Variants in VAV2 observed in about 807,000 individuals in gnomAD.
The protein encoded by VAV2 is vav guanine nucleotide exchange factor 2, also known as guanine nucleotide exchange factor VAV2.
A neutral mutation model predicts 132.5 loss-of-function variants in VAV2; 67 were observed. The observed-to-expected ratio is 0.51, with a 90% CI of 0.42 to 0.62. The LOEUF (loss-of-function observed/expected upper bound fraction) is 0.62, where lower values mean the gene tolerates loss of function less well. Among genes scored for constraint, VAV2 ranks in the 20% least tolerant of loss-of-function variants. VAV2 has a pLI of 0.00. For synonymous variants in VAV2, 492 were observed against 443.5 expected (o/e 1.11, Z -1.37); for missense variants, 938 against 1,153.6 (o/e 0.81, Z 2.71).
In VAV2 at chr9:133,939,228, A is replaced by T. The variant is rs187911987; in HGVS notation, c.205-9T>A. Reference sequence around the variant, plus strand: ...TTCTTCAAACACAGAAACTAAAGGGAAAAAACAAAGGGAGGGCAAGGAAAA... The same window carrying T: ...TTCTTCAAACACAGAAACTAAAGGGTAAAAACAAAGGGAGGGCAAGGAAAA... On this transcript the variant is annotated splice_polypyrimidine_tract_variant and intron_variant, in intron 1 of 29. Transcript: ENST00000371850. The T allele has an allele frequency of 1.2e-6, 2 of 1,612,856 alleles. No homozygotes were observed. The highest frequency in any genetic ancestry group is 3.3e-5 in the Admixed American group (2 of 60,032).
intron 3 of VAV2, among the ~76,000 whole-genome samples, chr9:133,850,888 G>C (rs1007095531): frequency 2.6e-4 from 40 of 152,350 alleles, no homozygotes; most frequent in Admixed American, 2.6e-4. Context: ...GGTGGGCAGG[G>C]TACCACCCTG....
chr9:133,778,161 T>C lies in VAV2; in HGVS notation c.1890+601A>G, dbSNP rs553104082. 2.6e-3 allele frequency among the ~76,000 whole-genome samples: 389 copies of C among 150,718 alleles called. 1 individual carries two copies. The highest frequency in any genetic ancestry group is 9.1e-3 in the African/African-American group (369 of 40,500). ...AACCCTTTACAGCCCAGCCATCTGC[T>C]GAAGGTGGGGATGAACGCCCACAAA... is the stretch of plus-strand genomic sequence containing the variant. On this transcript the variant is annotated intron_variant, in intron 22 of 29. Coordinates refer to ENST00000371850, the MANE Select transcript of VAV2 (RefSeq NM_001134398.2).
intron 1 of VAV2, among the ~76,000 whole-genome samples, chr9:133,963,852 A>T (rs1403752163): frequency 6.6e-6 from 1 of 151,940 alleles, no homozygotes; most frequent in Admixed American, 6.6e-5. Context: ...GAAATAAAGT[A>T]CATGGAAAAC....
At chr9:133,860,515 C>A (rs1349995934) in intron 3 of VAV2, among the ~76,000 whole-genome samples, 1 of 152,096 alleles carries the variant, frequency 6.6e-6, no homozygotes, top group Non-Finnish European at 1.5e-5. Flanking sequence ...TGGGACCCCT[C>A]AGCCTGTAGT....
intron 2 of VAV2, among the ~76,000 whole-genome samples, chr9:133,930,388 C>T (rs1287682344): frequency 6.6e-6 from 1 of 151,844 alleles, no homozygotes; most frequent in African/African-American, 2.4e-5. Context: ...CTTGCTGCCT[C>T]CTGGCCTCCA....
Position 133,919,912 on chromosome 9 carries a change from G to A in VAV2, c.321+19191C>T, listed in dbSNP as rs946601184. 1.4e-4 allele frequency among the ~76,000 whole-genome samples: 22 copies of A among 152,084 alleles called. No individual in the cohort carries two copies. Among genetic ancestry groups the A allele is most frequent in the African/African-American group, 4.3e-4 (18 of 41,408 alleles). The stretch of plus-strand genomic sequence containing the variant: ...TCAGTTCTGCTGGACATACAGCGGC[G>A]GACCCAAGGCTGCTTTCCACGTTGC... On this transcript the variant is annotated intron_variant, in intron 2 of 29. Transcript: ENST00000371850. The surrounding 1 kb of genome is among the most constrained non-coding windows in gnomAD (Gnocchi z 5.8).
chr9:133,863,056 AC>A lies in VAV2; in HGVS notation c.322-1625del. Among the ~76,000 whole-genome samples, 1 of 152,172 alleles carries A rather than the reference AC, an allele frequency of 6.6e-6. No individual in the cohort carries two copies. The highest frequency in any genetic ancestry group is 2.1e-4 in the South Asian group (1 of 4,822). On this transcript the variant is annotated intron_variant, in intron 2 of 29. Coordinates refer to ENST00000371850, the MANE Select transcript of VAV2 (RefSeq NM_001134398.2). This position sits in a 1 kb window ranked among gnomAD's most constrained non-coding sequence, Gnocchi z 5.0. ...CCCATTATGCGGCCAGCCCAGCCGCACTCCCATGCTGATGCTACAAGGGGCC... is the reference window on the plus strand; with the variant it reads ...CCCATTATGCGGCCAGCCCAGCCGCATCCCATGCTGATGCTACAAGGGGCC...
rs529772205 is a variant in VAV2, at chr9:133,863,837, G to A, written c.322-2405C>T. On this transcript the variant is annotated intron_variant, in intron 2 of 29. Coordinates refer to ENST00000371850, the MANE Select transcript of VAV2 (RefSeq NM_001134398.2). The surrounding 1 kb of genome is among the most constrained non-coding windows in gnomAD (Gnocchi z 5.0). The stretch of plus-strand genomic sequence containing the variant: ...GGCAGGGGCTGCTGGAGCAGACACC[G>A]GACCCCTGAGATAGCCATGGGGTCA... Among the ~76,000 whole-genome samples the A allele has an allele frequency of 3.3e-5, 5 of 152,154 alleles. No individual in the cohort carries two copies. The highest frequency in any genetic ancestry group is 7.4e-5 in the Non-Finnish European group (5 of 68,020).
At chr9:133,828,355 ACGGG>A (rs1836123860) in intron 4 of VAV2, among the ~76,000 whole-genome samples, 1 of 7,176 alleles carries the variant, frequency 1.4e-4, no homozygotes, top group South Asian at 5.2e-3. Flanking sequence ...ACCACTGAGC[ACGGG>A]CATCACCACC....
In VAV2 at chr9:133,887,602, G is replaced by A. The variant is rs191877346; in HGVS notation, c.322-26170C>T. On this transcript the variant is annotated intron_variant, in intron 2 of 29. Coordinates refer to ENST00000371850, the MANE Select transcript of VAV2 (RefSeq NM_001134398.2). ...CCACCGTCACACACACATTCCCCAC[G>A]CGCCTCCCTGGGGACACCACGGACT... Among the ~76,000 whole-genome samples, 189 of 150,510 alleles carry A rather than the reference G, an allele frequency of 1.3e-3. 1 individual carries two copies. Among genetic ancestry groups the A allele is most frequent in the African/African-American group, 4.4e-3 (182 of 40,938 alleles).
At chr9:133,836,725 T>C (rs1420248820) in intron 3 of VAV2, among the ~76,000 whole-genome samples, 1 of 152,194 alleles carries the variant, frequency 6.6e-6, no homozygotes, top group African/African-American at 2.4e-5. Context: ...CCCTGGATTA[T>C]CAACAGGACG....
chr9:133,960,646 G>A lies in VAV2; in HGVS notation c.205-21427C>T, dbSNP rs142250501. ...TCCTGTTCACTAGGAGTCAGTGAAC[G>A]CCCTGCTGACTGGCACAGAAAAGGG... On this transcript the variant is annotated intron_variant, in intron 1 of 29. Transcript: ENST00000371850. Among the ~76,000 whole-genome samples, 81 of 152,352 alleles carry A rather than the reference G, an allele frequency of 5.3e-4. 1 individual carries two copies. The East Asian group carries it at 0.014, about 27-fold the overall frequency.
intron 1 of VAV2, among the ~76,000 whole-genome samples, chr9:133,954,089 A>G (rs1841661601): frequency 6.6e-6 from 1 of 152,106 alleles, no homozygotes; most frequent in Non-Finnish European, 1.5e-5. Flanking sequence ...TGCAACAAAC[A>G]CGGCCGAAAC....
chr9:133,970,451 T>C (rs1842292001), intron 1 of VAV2, among the ~76,000 whole-genome samples: 1 of 152,190 alleles, frequency 6.6e-6, no homozygotes, highest in Non-Finnish European at 1.5e-5. Flanking sequence ...AGACCTCACC[T>C]GACCACCCCC....
intron 3 of VAV2, among the ~76,000 whole-genome samples, chr9:133,854,124 GC>G (rs1837293341): frequency 1.1e-5 from 1 of 88,008 alleles, no homozygotes; most frequent in African/African-American, 8.9e-5. Context: ...CCTTGCACCT[GC>G]ACACACACAC....
intron 2 of VAV2, among the ~76,000 whole-genome samples, chr9:133,895,518 G>A (rs1212955156): frequency 1.3e-5 from 2 of 152,232 alleles, no homozygotes; most frequent in Admixed American, 6.5e-5. Context: ...GATTCTCACC[G>A]CAACGTGCCA....
At chr9:133,861,313 C>T in intron 3 of VAV2, 61 bp downstream of exon 3, 1 of 1,540,028 alleles carries the variant, frequency 6.5e-7, no homozygotes, top group East Asian at 2.4e-5. Context: ...TGTGACAAGG[C>T]ACGCTGGTGT....
chr9:133,841,377 T>C (rs1427076791), intron 3 of VAV2, among the ~76,000 whole-genome samples: 1 of 151,824 alleles, frequency 6.6e-6, no homozygotes, highest in Non-Finnish European at 1.5e-5. Flanking sequence ...CTCCTCTGCA[T>C]ATTGAGTGGA....
At chr9:133,845,275 C>A (rs778572982) in intron 3 of VAV2, among the ~76,000 whole-genome samples, 4 of 152,268 alleles carry the variant, frequency 2.6e-5, no homozygotes, top group Non-Finnish European at 5.9e-5. Flanking sequence ...GGCAGGGGCT[C>A]TGGTCTGAGA....
Sources: gnomAD v4.1 joint callset for allele counts (sites outside exome capture counted in the v4.1 genomes callset) on GRCh38, gnomAD v4.1.1 for gene constraint, Gnocchi (gnomAD v3.1) non-coding constraint, MANE v1.5 for transcripts, NCBI Gene and HGNC (gene_info 2026-07-23, HGNC 2026-07-21) for gene names.